The following MICU1 variants were observed in gnomAD, a reference collection of about 807,000 sequenced individuals.
MICU1 encodes calcium uptake protein 1, mitochondrial.
In MICU1, 45 loss-of-function variants were observed where a neutral mutation model predicts 56.8. That is an observed-to-expected ratio of 0.79 (90% CI 0.62 to 1.02). MICU1 has a LOEUF of 1.02. Ranked by LOEUF, MICU1 falls within the 50% of genes least tolerant of loss-of-function variation. The probability of loss-of-function intolerance (pLI) is 0.00; values close to 1 mark genes in which losing one functional copy is unlikely to be tolerated. For synonymous variants in MICU1, 186 were observed against 195.1 expected (o/e 0.95, Z 0.39); for missense variants, 504 against 587.1 (o/e 0.86, Z 1.46).
At chr10:72,567,699 T>C (rs1412667191) in intron 1 of MICU1, among the ~76,000 whole-genome samples, 2 of 152,142 alleles carry the variant, frequency 1.3e-5, no homozygotes, top group South Asian at 2.1e-4. Context: ...ACTAGGAAAT[T>C]GCATATGAGA....
chr10:72,601,270 A>C (rs955731469), intron 1 of MICU1, among the ~76,000 whole-genome samples: 1 of 152,030 alleles, frequency 6.6e-6, no homozygotes, highest in Non-Finnish European at 1.5e-5. Context: ...AAAACTAAAA[A>C]TAAATTAGCC....
At chr10:72,379,041 A>G (rs1248983948) in intron 10 of MICU1, among the ~76,000 whole-genome samples, 1 of 152,218 alleles carries the variant, frequency 6.6e-6, no homozygotes, top group Non-Finnish European at 1.5e-5. Context: ...TGGGAAATCT[A>G]CAAGACTATA....
At chr10:72,604,271 CTTT>C (rs869141348) in intron 1 of MICU1, among the ~76,000 whole-genome samples, 2 of 128,694 alleles carry the variant, frequency 1.6e-5, no homozygotes, top group South Asian at 2.4e-4. Context: ...CTTTCCTGCC[CTTT>C]TTTTTTTTTT....
intron 6 of MICU1, among the ~76,000 whole-genome samples, chr10:72,478,420 G>A (rs1404088557): frequency 6.6e-6 from 1 of 152,002 alleles, no homozygotes; most frequent in African/African-American, 2.4e-5. Flanking sequence ...AAATGTTCTG[G>A]TAAAGAAAAC....
intron 9 of MICU1, among the ~76,000 whole-genome samples, chr10:72,413,039 A>G (rs931337550): frequency 6.6e-6 from 1 of 151,754 alleles, no homozygotes; most frequent in Non-Finnish European, 1.5e-5. Context: ...TCTACTAAAA[A>G]TACAGAAATT....
chr10:72,443,270 G>A (rs1249308274), intron 8 of MICU1, among the ~76,000 whole-genome samples: 1 of 152,094 alleles, frequency 6.6e-6, no homozygotes. Context: ...CTGGATATTA[G>A]CCCTTTGTCA....
intron 8 of MICU1, 103 bp from the exon 9 acceptor site, chr10:72,423,474 C>T: frequency 2.2e-6 from 3 of 1,340,958 alleles, no homozygotes; most frequent in South Asian, 1.5e-5. Flanking sequence ...TAGCTGATGA[C>T]TGGGACTATA....
intron 4 of MICU1, among the ~76,000 whole-genome samples, chr10:72,544,650 A>G (rs1358001197): frequency 6.6e-6 from 1 of 152,220 alleles, no homozygotes; most frequent in African/African-American, 2.4e-5. Flanking sequence ...TGGTTACTGC[A>G]ATAGCAAGCA....
At chr10:72,447,733 G>GA (rs1278956608) in intron 8 of MICU1, among the ~76,000 whole-genome samples, 1 of 152,100 alleles carries the variant, frequency 6.6e-6, no homozygotes, top group Non-Finnish European at 1.5e-5. Flanking sequence ...CATGTTCAAT[G>GA]AATCTATCAT....
intron 6 of MICU1, among the ~76,000 whole-genome samples, chr10:72,481,660 C>T (rs1452578165): frequency 3.3e-5 from 5 of 152,188 alleles, no homozygotes; most frequent in African/African-American, 9.7e-5. Flanking sequence ...GATGCACCCG[C>T]CTTGGCCTCC....
chr10:72,476,082 C>T (rs1236915887), intron 7 of MICU1, among the ~76,000 whole-genome samples: 1 of 151,878 alleles, frequency 6.6e-6, no homozygotes. Context: ...CAAAAATTAG[C>T]CGGGTGTGGT....
rs1042552057 is a variant in MICU1 at position 72,368,317 on chromosome 10, T to C, written c.1309A>G (p.Met437Val). Residue 437 changes from methionine (M) to valine (V), a missense_variant, in exon 12 of 12, where the codon ATG (methionine) becomes GTG (valine). Coordinates refer to ENST00000361114, the MANE Select transcript of MICU1 (RefSeq NM_001195518.2). ...AGGCCTCTCATCAGCCGTTGCTTCATGATGGAAACAAATTCCTTATTGCTC... is the reference window on the plus strand; with the variant it reads ...AGGCCTCTCATCAGCCGTTGCTTCACGATGGAAACAAATTCCTTATTGCTC... ...ELSNKEFVSI[M>V]KQRLMRGLEK... 6 of 1,613,896 alleles carry C rather than the reference T, an allele frequency of 3.7e-6. No homozygotes were observed. Among genetic ancestry groups the C allele is most frequent in the African/African-American group, 1.3e-5 (1 of 74,934 alleles).
chr10:72,600,292 CAAA>C (rs57782974), intron 1 of MICU1, among the ~76,000 whole-genome samples: 79,119 of 122,066 alleles, frequency 0.65, 24,346 homozygotes, highest in Non-Finnish European at 0.69. Flanking sequence ...AACTCCATCT[CAAA>C]AAAAAAAAAA....
At chr10:72,618,719 C>T (rs1842037030) in intron 1 of MICU1, among the ~76,000 whole-genome samples, 1 of 152,160 alleles carries the variant, frequency 6.6e-6, no homozygotes, top group Non-Finnish European at 1.5e-5. Flanking sequence ...TTATAATGTT[C>T]TATCACAGCT....
intron 10 of MICU1, among the ~76,000 whole-genome samples, chr10:72,399,917 C>T (rs1399406341): frequency 5.3e-5 from 8 of 152,094 alleles, no homozygotes; most frequent in South Asian, 2.1e-4. Context: ...GAAACTGCGC[C>T]GCTGAACTCC....
At position 72,557,851 on chromosome 10, in the gene MICU1, G is replaced by A. The variant is rs567026325; in HGVS notation, c.330+5044C>T. ...TATTCATTCTGTTGTTTGTAAATAA[G>A]TAAACTGAGTCGAGTGTCCAGCAGC... On this transcript the variant is annotated intron_variant, in intron 3 of 11. Coordinates refer to ENST00000361114, the MANE Select transcript of MICU1 (RefSeq NM_001195518.2). Among the ~76,000 whole-genome samples the A allele has an allele frequency of 3.9e-5, 6 of 152,246 alleles. No homozygotes were observed. The South Asian group carries it at 1.0e-3, about 26-fold the overall frequency.
chr10:72,448,033 T>C (rs1865159374), intron 8 of MICU1, among the ~76,000 whole-genome samples: 1 of 151,496 alleles, frequency 6.6e-6, no homozygotes, highest in South Asian at 2.1e-4. Context: ...CTTAATCTTA[T>C]CATCCATTTT....
chr10:72,567,236 C>T (rs1312124699), intron 1 of MICU1, among the ~76,000 whole-genome samples: 2 of 152,022 alleles, frequency 1.3e-5, no homozygotes, highest in African/African-American at 2.4e-5. Flanking sequence ...CCCAGCTATT[C>T]AGGGGGCTGA....
At chr10:72,587,398 T>G (rs984373012) in intron 1 of MICU1, among the ~76,000 whole-genome samples, 58 of 149,324 alleles carry the variant, frequency 3.9e-4, no homozygotes, top group African/African-American at 1.4e-3. Context: ...GCCCAGGAGT[T>G]TGAGGTTATA....
Sources: gnomAD v4.1 joint callset for allele counts (sites outside exome capture counted in the v4.1 genomes callset) on GRCh38, gnomAD v4.1.1 for gene constraint, MANE v1.5 for transcripts, NCBI Gene and HGNC (gene_info 2026-07-23, HGNC 2026-07-21) for gene names.